ELOVL6: variants seen among roughly 807,000 people sequenced by gnomAD.
ELOVL6 encodes very long chain fatty acid elongase 6.
ELOVL6 carries 8 observed loss-of-function variants against 31.7 expected under a neutral mutation model. That is an observed-to-expected ratio of 0.25 (90% confidence interval 0.15 to 0.45). The LOEUF is 0.45. Among genes scored for constraint, ELOVL6 ranks in the 20% least tolerant of loss-of-function variants. The probability of loss-of-function intolerance (pLI) is 1.00; values close to 1 mark genes in which losing one functional copy is unlikely to be tolerated. For synonymous variants in ELOVL6, 101 were observed against 117.7 expected (o/e 0.86, Z 0.92); for missense variants, 126 against 326.4 (o/e 0.39, Z 4.73).
chr4:110,198,088 A>T, intron 1 of ELOVL6, 159 bp downstream of exon 1: 5 of 250,830 alleles, frequency 2.0e-5, no homozygotes, highest in East Asian at 1.1e-4. Context: ...CCCCCCCCCC[A>T]GCGTCTCCTG....
intron 1 of ELOVL6, among the ~76,000 whole-genome samples, chr4:110,168,722 CTG>C (rs762879021): frequency 1.6e-4 from 25 of 152,240 alleles, no homozygotes; most frequent in Non-Finnish European, 3.5e-4. Flanking sequence ...GACCCAGACT[CTG>C]TGGACAGGCA....
At chr4:110,071,860 T>A (rs1456789326) in intron 2 of ELOVL6, among the ~76,000 whole-genome samples, 1 of 152,220 alleles carries the variant, frequency 6.6e-6, no homozygotes, top group South Asian at 2.1e-4. Context: ...AATACAGGGA[T>A]ATACAGACCT....
chr4:110,101,488 G>A (rs1756739750), intron 2 of ELOVL6, among the ~76,000 whole-genome samples: 2 of 151,788 alleles, frequency 1.3e-5, no homozygotes, highest in South Asian at 4.2e-4. Flanking sequence ...TTTAGGAAAT[G>A]TGTTAAATGC....
intron 1 of ELOVL6, among the ~76,000 whole-genome samples, chr4:110,138,873 C>T (rs1161224468): frequency 2.6e-5 from 4 of 152,128 alleles, no homozygotes; most frequent in African/African-American, 4.8e-5. Flanking sequence ...AATATCATTA[C>T]ACCCATAGTA....
At chr4:110,055,541 A>G (rs564127716) in intron 3 of ELOVL6, among the ~76,000 whole-genome samples, 84 of 152,242 alleles carry the variant, frequency 5.5e-4, no homozygotes, top group Admixed American at 9.8e-4. Context: ...CCTTATACCC[A>G]AGTGTCCCTT....
chr4:110,132,213 G>A (rs188665406), intron 1 of ELOVL6, among the ~76,000 whole-genome samples: 68 of 152,238 alleles, frequency 4.5e-4, no homozygotes, highest in Admixed American at 1.1e-3. Flanking sequence ...GATTAAATTT[G>A]TAGAAAGCCC....
chr4:110,059,679 A>G lies in ELOVL6; in HGVS notation c.297T>C (p.Cys99=), dbSNP rs1237201922. The G allele has an allele frequency of 6.2e-7, 1 of 1,614,074 alleles. No homozygotes were observed. The highest frequency in any genetic ancestry group is 8.5e-7 in the Non-Finnish European group (1 of 1,180,030). The change falls in exon 3 of 4, where the codon TGT becomes TGC. Residue 99 remains cysteine (C), a synonymous_variant. Coordinates refer to ENST00000302274, the MANE Select transcript of ELOVL6 (RefSeq NM_024090.3). ...CAGGTCCATTGTAAAAACCCTGGTC[A>G]CAAACTGACTGCTTCAGGCCTTTGG... ...LMTKGLKQSV[C]DQGFYNGPVS...
intron 3 of ELOVL6, among the ~76,000 whole-genome samples, chr4:110,058,488 T>TGGAA (rs978997688): frequency 2.0e-4 from 30 of 152,128 alleles, no homozygotes; most frequent in African/African-American, 7.0e-4. Context: ...TGGCTTCCAG[T>TGGAA]GGAAGGTGGC....
chr4:110,154,742 T>C (rs1477268966), intron 1 of ELOVL6, among the ~76,000 whole-genome samples: 13 of 152,222 alleles, frequency 8.5e-5, no homozygotes, highest in Admixed American at 7.2e-4. Flanking sequence ...GTTGAGAAGA[T>C]GGCTTGGTGC....
At chr4:110,158,657 A>ATATATATATATTTTTTTTT in intron 1 of ELOVL6, among the ~76,000 whole-genome samples, 7 of 74,156 alleles carry the variant, frequency 9.4e-5, no homozygotes, top group Non-Finnish European at 1.4e-4. Context: ...ATATATATAT[A>ATATATATATATTTTTTTTT]TTTTTTTTTT....
intron 2 of ELOVL6, among the ~76,000 whole-genome samples, chr4:110,092,000 T>A (rs1404066652): frequency 6.9e-6 from 1 of 145,940 alleles, no homozygotes; most frequent in Non-Finnish European, 1.5e-5. Flanking sequence ...CCAGCCAGCA[T>A]AACAATTTAG....
intron 2 of ELOVL6, among the ~76,000 whole-genome samples, chr4:110,099,145 A>C (rs1756672770): frequency 6.6e-6 from 1 of 152,144 alleles, no homozygotes; most frequent in South Asian, 2.1e-4. Flanking sequence ...TTTAGAAATA[A>C]GGTAATTGCC....
Position 110,084,133 on chromosome 4 carries a change from TAATGATATA to T in ELOVL6, c.221+21355_221+21363del, listed in dbSNP as rs1442453537. ...TATGATATATATAACATATATGTGATAATGATATATATGATATATATAACATATATGTGA... is the reference window on the plus strand; with the variant it reads ...TATGATATATATAACATATATGTGATTATGATATATATAACATATATGTGA... On this transcript the variant is annotated intron_variant, in intron 2 of 3. Transcript: ENST00000302274. 1.2e-4 allele frequency among the ~76,000 whole-genome samples: 4 copies of T among 33,278 alleles called. 1 individual carries two copies. The highest frequency in any genetic ancestry group is 8.7e-5 in the Non-Finnish European group (2 of 22,904). The allele number at this position is 33,278 out of a possible 152,430, so 21.8% of individuals were successfully genotyped here. A position where few individuals can be genotyped will look rare whatever the true frequency, so the allele number is the denominator to read the frequency against.
chr4:110,081,494 AG>A (rs1490297807), intron 2 of ELOVL6, among the ~76,000 whole-genome samples: 1 of 152,224 alleles, frequency 6.6e-6, no homozygotes, highest in Non-Finnish European at 1.5e-5. Context: ...AAATGGGGAA[AG>A]GATTCCCTAT....
intron 2 of ELOVL6, among the ~76,000 whole-genome samples, chr4:110,086,017 A>AT (rs2126237040): frequency 6.6e-6 from 1 of 152,272 alleles, no homozygotes; most frequent in East Asian, 1.9e-4. Flanking sequence ...AGAAATGGAG[A>AT]TTTTTAACAA....
At position 110,198,315 on chromosome 4, in the gene ELOVL6, A is replaced by C; in HGVS notation, c.21T>G (p.Thr7=). Residue 7 remains threonine (T), a synonymous_variant, in exon 1 of 4, where the codon ACT becomes ACG. Coordinates refer to ENST00000302274, the MANE Select transcript of ELOVL6 (RefSeq NM_024090.3). ...GCTTTTCGAATTCATATTCTTGTAA[A>C]GTCAACACTGACATGTTCATTGGGG... MNMSVL[T]LQEYEFEKQF... 6.2e-7 allele frequency: 1 copy of C among 1,609,442 alleles called. No individual in the cohort carries two copies. The highest frequency in any genetic ancestry group is 8.5e-7 in the Non-Finnish European group (1 of 1,175,844).
intron 2 of ELOVL6, among the ~76,000 whole-genome samples, chr4:110,096,441 A>G (rs1048105367): frequency 1.3e-5 from 2 of 152,224 alleles, no homozygotes; most frequent in Non-Finnish European, 2.9e-5. Context: ...CAAAGGATGC[A>G]GTTTTAGACA....
In ELOVL6 at chr4:110,059,737, C is replaced by T. The variant is rs760345259; in HGVS notation, c.239G>A (p.Arg80Gln). ...AATGTACACCATATAAGCACCAGTT[C>T]GAAGAGCACCGAATATACTTCATAA... ...LAVFSIFGAL[R>Q]TGAYMVYILM... Residue 80 changes from arginine to glutamine, a missense_variant, in exon 3 of 4, where the codon CGA (arginine) becomes CAA (glutamine). Physicochemically the swap from Arg to Gln is conservative, Grantham distance 43. Transcript: ENST00000302274. The T allele has an allele frequency of 1.2e-6, 2 of 1,612,844 alleles. No homozygotes were observed. The highest frequency in any genetic ancestry group is 8.5e-7 in the Non-Finnish European group (1 of 1,179,566).
intron 1 of ELOVL6, among the ~76,000 whole-genome samples, chr4:110,185,756 T>C (rs1759418643): frequency 6.6e-6 from 1 of 152,126 alleles, no homozygotes; most frequent in African/African-American, 2.4e-5. Flanking sequence ...GGTCAATATG[T>C]AGAAGAACCT....
Sources: gnomAD v4.1 joint callset for allele counts (sites outside exome capture counted in the v4.1 genomes callset) on GRCh38, gnomAD v4.1.1 for gene constraint, MANE v1.5 for transcripts, NCBI Gene and HGNC (gene_info 2026-07-23, HGNC 2026-07-21) for gene names.